The following GPC5 variants were observed in gnomAD, a reference collection of about 807,000 sequenced individuals.
The protein encoded by GPC5 is glypican 5.
In GPC5, 47 loss-of-function variants were observed where a neutral mutation model predicts 53.9. The observed-to-expected ratio is 0.87, with a 90% CI of 0.69 to 1.11. The LOEUF is 1.11. Among genes scored for constraint, GPC5 ranks in the 50% most tolerant of loss-of-function variants. The pLI, the probability that GPC5 is intolerant of heterozygous loss-of-function variation, is 0.00. For missense variants in GPC5, 748 were observed against 713.1 expected, an observed-to-expected ratio of 1.05 and a Z score of -0.56; for synonymous variants, 286 against 263.3, an observed-to-expected ratio of 1.09 and a Z score of -0.84.
At chr13:92,332,442 T>C (rs1284560967) in intron 7 of GPC5, among the ~76,000 whole-genome samples, 5 of 152,164 alleles carry the variant, frequency 3.3e-5, no homozygotes, top group Non-Finnish European at 2.9e-5. Flanking sequence ...TCTTACCCCA[T>C]CCTAGTTTCA....
intron 6 of GPC5, among the ~76,000 whole-genome samples, chr13:91,922,231 C>A (rs1261902742): frequency 6.6e-6 from 1 of 152,072 alleles, no homozygotes; most frequent in Non-Finnish European, 1.5e-5. Context: ...GGAATGTTGT[C>A]TTTAAAAATA....
At chr13:91,469,058 G>C (rs151211061) in intron 2 of GPC5, among the ~76,000 whole-genome samples, 2 of 150,974 alleles carry the variant, frequency 1.3e-5, no homozygotes, top group Admixed American at 1.3e-4. Flanking sequence ...TCTTTGTCTC[G>C]TCTTGTCTCT....
chr13:92,015,187 A>C (rs899505542), intron 6 of GPC5, among the ~76,000 whole-genome samples: 6 of 152,198 alleles, frequency 3.9e-5, no homozygotes, highest in Non-Finnish European at 5.9e-5. Flanking sequence ...GGCCAAGGAT[A>C]TGTTAAATAT....
At chr13:92,283,724 G>C (rs958802574) in intron 7 of GPC5, among the ~76,000 whole-genome samples, 3 of 152,134 alleles carry the variant, frequency 2.0e-5, no homozygotes, top group Non-Finnish European at 4.4e-5. Flanking sequence ...ACCAGAATCT[G>C]TGGGACACAT....
chr13:91,782,667 G>A lies in GPC5; in HGVS notation c.1280+26247G>A, dbSNP rs114847375. On this transcript the variant is annotated intron_variant, in intron 5 of 7. Transcript: ENST00000377067. ...AACCAAATCAATAGGTATTAATTTT[G>A]TGTACCTAATTTATGAAACTTTTAG... is the stretch of plus-strand genomic sequence containing the variant. 6.4e-3 allele frequency among the ~76,000 whole-genome samples: 981 copies of A among 152,210 alleles called. 14 individuals carry two copies. Among genetic ancestry groups the A allele is most frequent in the African/African-American group, 0.023 (943 of 41,528 alleles).
Position 92,202,916 on chromosome 13 carries a change from G to A in GPC5, c.1561+57927G>A, listed in dbSNP as rs535630231. ...TTAGTATCATGTCAACTTTTCAAGA[G>A]AACTTATGCTCCTTATTAATTTACA... is the stretch of plus-strand genomic sequence containing the variant. On this transcript the variant is annotated intron_variant, in intron 7 of 7. Coordinates refer to ENST00000377067, the MANE Select transcript of GPC5 (RefSeq NM_004466.6). 4.6e-5 allele frequency among the ~76,000 whole-genome samples: 7 copies of A among 152,088 alleles called. No individual in the cohort carries two copies. The South Asian group carries it at 1.2e-3, about 27-fold the overall frequency.
chr13:92,127,333 A>G (rs1398598983), intron 6 of GPC5, among the ~76,000 whole-genome samples: 1 of 151,886 alleles, frequency 6.6e-6, no homozygotes, highest in East Asian at 1.9e-4. Context: ...GTATGTGTAT[A>G]TATATATATC....
chr13:92,560,085 T>C lies in GPC5; in HGVS notation c.1562-306197T>C, dbSNP rs138107441. ...CAGAATATGACTTTATTGGCATGAA[T>C]GAAAGACAATTATTAAGTAAAGCAA... On this transcript the variant is annotated intron_variant, in intron 7 of 7. Coordinates refer to ENST00000377067, the MANE Select transcript of GPC5 (RefSeq NM_004466.6). Among the ~76,000 whole-genome samples, 450 of 151,964 alleles carry C rather than the reference T, an allele frequency of 3.0e-3. 5 individuals carry two copies. The highest frequency in any genetic ancestry group is 0.011 in the African/African-American group (438 of 41,508).
chr13:92,089,482 C>T (rs2041362352), intron 6 of GPC5, among the ~76,000 whole-genome samples: 2 of 145,088 alleles, frequency 1.4e-5, no homozygotes, highest in South Asian at 2.2e-4. Context: ...TTTCAAATAA[C>T]ATTTCTAGTA....
intron 7 of GPC5, among the ~76,000 whole-genome samples, chr13:92,788,663 C>T (rs1876348640): frequency 6.6e-6 from 1 of 152,110 alleles, no homozygotes; most frequent in South Asian, 2.1e-4. Flanking sequence ...GGAAATGATA[C>T]CAAATTATGC....
intron 1 of GPC5, among the ~76,000 whole-genome samples, chr13:91,429,538 G>T (rs1339733962): frequency 6.6e-6 from 1 of 152,168 alleles, no homozygotes; most frequent in East Asian, 1.9e-4. Context: ...AATATGGAAA[G>T]ATGATAGAAT....
intron 5 of GPC5, among the ~76,000 whole-genome samples, chr13:91,823,105 T>A (rs540304648): frequency 1.3e-5 from 2 of 152,180 alleles, no homozygotes; most frequent in East Asian, 3.9e-4. Flanking sequence ...AAGGAAAAGG[T>A]TGAACCAATA....
At chr13:92,140,788 C>A (rs2041824709) in intron 6 of GPC5, among the ~76,000 whole-genome samples, 1 of 152,158 alleles carries the variant, frequency 6.6e-6, no homozygotes, top group African/African-American at 2.4e-5. Flanking sequence ...ACTGTAATGA[C>A]ACACGAATAG....
At chr13:92,421,576 G>T (rs2139362611) in intron 7 of GPC5, among the ~76,000 whole-genome samples, 1 of 151,508 alleles carries the variant, frequency 6.6e-6, no homozygotes, top group Middle Eastern at 3.4e-3. Flanking sequence ...GCGGGCACCT[G>T]TAGTCCCAGC....
intron 1 of GPC5, among the ~76,000 whole-genome samples, chr13:91,406,148 G>A (rs1048718320): frequency 1.3e-5 from 2 of 152,194 alleles, no homozygotes; most frequent in African/African-American, 2.4e-5. Flanking sequence ...CAGTCCTAAC[G>A]TGTACCTTAT....
intron 2 of GPC5, among the ~76,000 whole-genome samples, chr13:91,564,860 CACAA>C (rs1312414711): frequency 2.6e-5 from 4 of 151,900 alleles, no homozygotes; most frequent in Non-Finnish European, 5.9e-5. Flanking sequence ...TGTATAGTAA[CACAA>C]ACAAAATTCA....
chr13:92,301,710 AC>A (rs1185876335), intron 7 of GPC5, among the ~76,000 whole-genome samples: 5 of 152,006 alleles, frequency 3.3e-5, no homozygotes, highest in African/African-American at 1.2e-4. Flanking sequence ...ACATGTTCAA[AC>A]CCTGTCTGTA....
chr13:92,807,611 G>T (rs1877144433), intron 7 of GPC5, among the ~76,000 whole-genome samples: 1 of 152,076 alleles, frequency 6.6e-6, no homozygotes, highest in Non-Finnish European at 1.5e-5. Context: ...CTGGCAAAAA[G>T]AAGTGGCAGG....
chr13:92,092,194 C>A (rs1248832865), intron 6 of GPC5, among the ~76,000 whole-genome samples: 1 of 152,162 alleles, frequency 6.6e-6, no homozygotes, highest in African/African-American at 2.4e-5. Context: ...TCTCTGCATA[C>A]CTCTTATGCA....
Sources: gnomAD v4.1 joint callset for allele counts (sites outside exome capture counted in the v4.1 genomes callset) on GRCh38, gnomAD v4.1.1 for gene constraint, MANE v1.5 for transcripts, NCBI Gene and HGNC (gene_info 2026-07-23, HGNC 2026-07-21) for gene names.